ANO4: variants seen among roughly 807,000 people sequenced by gnomAD.
ANO4 encodes anoctamin-4.
Under a neutral mutation model 141.9 loss-of-function variants are expected in ANO4, and 69 were observed. The ratio of observed to expected loss-of-function variants is 0.49; its 90% CI spans 0.40 to 0.59. The LOEUF is 0.59. ANO4 is among the 20% of genes least tolerant of loss of function. The pLI is 0.00. For synonymous variants in ANO4, 350 were observed against 394.3 expected, an observed-to-expected ratio of 0.89 and a Z score of 1.33; for missense variants, 894 against 1,162.2, an observed-to-expected ratio of 0.77 and a Z score of 3.36.
intron 14 of ANO4, chr12:101,068,875 G>C: frequency 1.1e-6 from 1 of 889,082 alleles, no homozygotes; most frequent in South Asian, 1.3e-5. Flanking sequence ...AATCTCATCA[G>C]ATGAAGATTT....
intron 3 of ANO4, among the ~76,000 whole-genome samples, chr12:100,928,570 G>A (rs2041968811): frequency 6.6e-6 from 1 of 152,186 alleles, no homozygotes; most frequent in South Asian, 2.1e-4. Flanking sequence ...CAGAGCTCAT[G>A]CTCTTTCCAA....
chr12:100,813,858 A>T (rs1366398478), intron 1 of ANO4, among the ~76,000 whole-genome samples: 2 of 152,168 alleles, frequency 1.3e-5, no homozygotes, highest in Non-Finnish European at 2.9e-5. Flanking sequence ...TTAAAACTTC[A>T]CTGAGTTGGG....
At chr12:100,904,010 C>A (rs952622016) in intron 2 of ANO4, among the ~76,000 whole-genome samples, 50 of 152,276 alleles carry the variant, frequency 3.3e-4, no homozygotes, top group Admixed American at 1.8e-3. Context: ...CCAGGATACC[C>A]TGGTTTTGCT....
At chr12:101,096,972 G>A (rs1168863544) in intron 19 of ANO4, among the ~76,000 whole-genome samples, 1 of 152,120 alleles carries the variant, frequency 6.6e-6, no homozygotes, top group Non-Finnish European at 1.5e-5. Flanking sequence ...GACGGCAGGT[G>A]GTACAACGGG....
chr12:101,025,540 A>G (rs916311672), intron 9 of ANO4, among the ~76,000 whole-genome samples: 8 of 152,226 alleles, frequency 5.3e-5, no homozygotes, highest in Non-Finnish European at 2.9e-5. Flanking sequence ...GCAAGTGCTG[A>G]TCAGTGCATA....
chr12:100,971,164 A>C, intron 5 of ANO4, 142 bp from the exon 6 acceptor site: 1 of 473,366 alleles, frequency 2.1e-6, no homozygotes, highest in Non-Finnish European at 3.7e-6. Context: ...GAATACTTGC[A>C]CTTGTAAGGG....
intron 5 of ANO4, among the ~76,000 whole-genome samples, chr12:100,967,570 GAC>G (rs3059289): frequency 0.19 from 28,412 of 149,006 alleles, 2,623 homozygotes; most frequent in South Asian, 0.22. Context: ...ATGTAAAGAG[GAC>G]ACACACACAC....
intron 17 of ANO4, among the ~76,000 whole-genome samples, 186 bp downstream of exon 17, chr12:101,087,010 A>C (rs2049530396): frequency 6.6e-6 from 1 of 152,094 alleles, no homozygotes; most frequent in Non-Finnish European, 1.5e-5. Context: ...TCTTGATTCA[A>C]ATCTAGACTC....
chr12:100,902,436 A>G lies in ANO4; in HGVS notation c.55+596A>G, dbSNP rs573311804. 1.7e-4 allele frequency among the ~76,000 whole-genome samples: 26 copies of G among 152,322 alleles called. No homozygotes were observed. The South Asian group carries it at 4.8e-3, about 28-fold the overall frequency. On this transcript the variant is annotated intron_variant, in intron 2 of 27. Transcript: ENST00000392977. The stretch of plus-strand genomic sequence containing the variant: ...AAGTATTCATTCATTCATTGAACAA[A>G]TATGTATTGAGTGCCAGCTACATGC...
chr12:100,803,670 C>T (rs563743669), intron 1 of ANO4, among the ~76,000 whole-genome samples: 3 of 152,270 alleles, frequency 2.0e-5, no homozygotes, highest in East Asian at 3.9e-4. Context: ...CCTTACTCTG[C>T]CACTTACTCA....
chr12:101,123,772 A>G (rs1434196482), intron 26 of ANO4, among the ~76,000 whole-genome samples: 1 of 152,192 alleles, frequency 6.6e-6, no homozygotes, highest in African/African-American at 2.4e-5. Context: ...TAGTGCTGCA[A>G]TGAACATATG....
intron 3 of ANO4, among the ~76,000 whole-genome samples, chr12:100,772,921 T>C (rs991809736): frequency 5.3e-5 from 8 of 152,334 alleles, no homozygotes; most frequent in African/African-American, 1.9e-4. Context: ...GCCTTTGAAG[T>C]CTCCTGTTTC....
intron 5 of ANO4, among the ~76,000 whole-genome samples, chr12:100,947,414 T>G (rs1187439857): frequency 6.6e-6 from 1 of 152,212 alleles, no homozygotes; most frequent in Non-Finnish European, 1.5e-5. Flanking sequence ...CCATACTCAT[T>G]GGTAAGGCCA....
intron 22 of ANO4, among the ~76,000 whole-genome samples, chr12:101,102,637 C>T (rs938316499): frequency 1.3e-5 from 2 of 151,946 alleles, no homozygotes; most frequent in Admixed American, 1.3e-4. Context: ...AATATCACTT[C>T]TCAGTGGTTG....
chr12:101,011,315 T>TC (rs1298350204), intron 8 of ANO4, among the ~76,000 whole-genome samples: 12 of 143,492 alleles, frequency 8.4e-5, no homozygotes, highest in Admixed American at 7.7e-4. Context: ...CATGGCCTTT[T>TC]TTCTTTTTTT....
At chr12:100,783,332 T>C (rs2033765773) in intron 3 of ANO4, among the ~76,000 whole-genome samples, 1 of 152,216 alleles carries the variant, frequency 6.6e-6, no homozygotes, top group African/African-American at 2.4e-5. Context: ...ACTTTCAATT[T>C]ATGAAATATC....
chr12:100,888,632 G>C (rs2039954515), intron 1 of ANO4, among the ~76,000 whole-genome samples: 1 of 152,222 alleles, frequency 6.6e-6, no homozygotes. Context: ...AGGCCAACTG[G>C]AGGCCTGTGA....
Position 101,126,969 on chromosome 12 carries a change from T to C in ANO4, c.2767T>C (p.Leu923=). ...GGATCGAATGAGAAGAGAGAAGTAC[T>C]TGATTCAGGAGATGATGTATGAAGC... is the stretch of plus-strand genomic sequence containing the variant. The part of the protein sequence containing the change: ...LRDRMRREKY[L]IQEMMYEAEL... Residue 923 remains leucine (L), a synonymous_variant, in exon 27 of 28, where the codon TTG becomes CTG. Transcript: ENST00000392977. 6.2e-7 allele frequency: 1 copy of C among 1,614,146 alleles called. No homozygotes were observed. The highest frequency in any genetic ancestry group is 8.5e-7 in the Non-Finnish European group (1 of 1,180,018).
chr12:101,013,164 G>C (rs542012064), intron 8 of ANO4, among the ~76,000 whole-genome samples: 1 of 152,248 alleles, frequency 6.6e-6, no homozygotes, highest in South Asian at 2.1e-4. Context: ...TCCTTTATAA[G>C]GGTCCAGATC....
Sources: gnomAD v4.1 joint callset for allele counts (sites outside exome capture counted in the v4.1 genomes callset) on GRCh38, gnomAD v4.1.1 for gene constraint, MANE v1.5 for transcripts, NCBI Gene and HGNC (gene_info 2026-07-23, HGNC 2026-07-21) for gene names.